Variants in CTNNA3 observed in about 807,000 individuals in gnomAD.
The protein encoded by CTNNA3 is catenin alpha 3.
In CTNNA3, 76 loss-of-function variants were observed where a neutral mutation model predicts 95.7. The ratio of observed to expected loss-of-function variants is 0.79; its 90% CI spans 0.66 to 0.96. The LOEUF is 0.96. Among genes scored for constraint, CTNNA3 ranks in the 40% least tolerant of loss-of-function variants. CTNNA3 has a pLI of 0.00. For synonymous variants in CTNNA3, 431 were observed against 374.4 expected (o/e 1.15, Z -1.74); for missense variants, 1,191 against 1,089.8 (o/e 1.09, Z -1.31).
intron 3 of CTNNA3, among the ~76,000 whole-genome samples, chr10:67,566,149 A>G (rs1465857691): frequency 7.5e-6 from 1 of 132,614 alleles, no homozygotes; most frequent in African/African-American, 2.8e-5. Flanking sequence ...AGCAATGGCA[A>G]CAAAAGCCAA....
At chr10:66,060,392 T>A (rs1366933422) in intron 15 of CTNNA3, among the ~76,000 whole-genome samples, 3 of 152,146 alleles carry the variant, frequency 2.0e-5, no homozygotes, top group Non-Finnish European at 2.9e-5. Flanking sequence ...CACATGTATC[T>A]AATTTTGCTC....
chr10:66,479,978 A>ACACACACACACACACCCC, intron 11 of CTNNA3, among the ~76,000 whole-genome samples: 1 of 151,450 alleles, frequency 6.6e-6, no homozygotes, highest in African/African-American at 2.4e-5. Context: ...ACACACACAC[A>ACACACACACACACACCCC]CCCCAGAACT....
At chr10:67,239,583 T>C (rs958437516) in intron 5 of CTNNA3, among the ~76,000 whole-genome samples, 5 of 152,178 alleles carry the variant, frequency 3.3e-5, no homozygotes, top group African/African-American at 1.2e-4. Flanking sequence ...TGTGTTTAGT[T>C]TGGAAAAATT....
chr10:66,135,986 C>T (rs998527912), intron 13 of CTNNA3, among the ~76,000 whole-genome samples: 2 of 151,620 alleles, frequency 1.3e-5, no homozygotes, highest in East Asian at 3.9e-4. Flanking sequence ...ACTGCAAGCT[C>T]CACCTCCTGT....
At chr10:66,225,815 G>C (rs2089253237) in intron 13 of CTNNA3, among the ~76,000 whole-genome samples, 1 of 151,732 alleles carries the variant, frequency 6.6e-6, no homozygotes, top group Non-Finnish European at 1.5e-5. Context: ...GCATTCCCCT[G>C]ATGATTAGTG....
chr10:66,643,856 A>T (rs563017033), intron 9 of CTNNA3, among the ~76,000 whole-genome samples: 1 of 152,112 alleles, frequency 6.6e-6, no homozygotes, highest in African/African-American at 2.4e-5. Flanking sequence ...CCAAATCATG[A>T]TTCATTCAAA....
chr10:67,264,909 T>C (rs1455146133), intron 5 of CTNNA3, among the ~76,000 whole-genome samples: 3 of 152,192 alleles, frequency 2.0e-5, no homozygotes, highest in Non-Finnish European at 4.4e-5. Flanking sequence ...GAGAAAAGAC[T>C]ATGAAAAATC....
intron 11 of CTNNA3, among the ~76,000 whole-genome samples, chr10:66,503,264 G>A (rs903243247): frequency 2.4e-4 from 36 of 152,180 alleles, no homozygotes; most frequent in African/African-American, 8.4e-4. Context: ...TGTTCTACTG[G>A]TTGTTCTATC....
chr10:67,339,219 G>T (rs1842095678), intron 5 of CTNNA3, among the ~76,000 whole-genome samples: 1 of 152,062 alleles, frequency 6.6e-6, no homozygotes, highest in South Asian at 2.1e-4. Context: ...GCAAAATCTT[G>T]TCCTTATTAA....
intron 5 of CTNNA3, among the ~76,000 whole-genome samples, chr10:67,434,334 T>A (rs1382092126): frequency 6.6e-6 from 1 of 151,982 alleles, no homozygotes; most frequent in Non-Finnish European, 1.5e-5. Flanking sequence ...CTAAATAGGA[T>A]AAGGTCCATA....
chr10:67,451,451 T>G (rs1390737644), intron 5 of CTNNA3, among the ~76,000 whole-genome samples: 1 of 151,094 alleles, frequency 6.6e-6, no homozygotes, highest in Non-Finnish European at 1.5e-5. Flanking sequence ...TAGCTTAATA[T>G]GTTGAATAAA....
chr10:66,997,279 A>G (rs1200100243), intron 7 of CTNNA3, among the ~76,000 whole-genome samples: 3 of 152,192 alleles, frequency 2.0e-5, no homozygotes, highest in African/African-American at 7.2e-5. Flanking sequence ...GACTGATACA[A>G]TCTCTTATAA....
rs2091926809 is a variant in CTNNA3 at position 66,305,865 on chromosome 10, C to T, written c.1733-25244G>A. ...AAGGCAAATTCTCTCTCTCTTATCCCTTGCACTTTGCCTCACTTATCAATT... is the reference window on the plus strand; with the variant it reads ...AAGGCAAATTCTCTCTCTCTTATCCTTTGCACTTTGCCTCACTTATCAATT... On this transcript the variant is annotated intron_variant, in intron 12 of 17. Coordinates refer to ENST00000433211, the MANE Select transcript of CTNNA3 (RefSeq NM_013266.4). Among the ~76,000 whole-genome samples the T allele has an allele frequency of 3.3e-5, 5 of 152,206 alleles. No homozygotes were observed. In the South Asian group the frequency reaches 1.0e-3, roughly 31 times the overall value.
chr10:66,172,396 A>G (rs901817200), intron 13 of CTNNA3, among the ~76,000 whole-genome samples: 1 of 152,148 alleles, frequency 6.6e-6, no homozygotes, highest in African/African-American at 2.4e-5. Flanking sequence ...AAGTTATAGA[A>G]CTTTTGTAAC....
rs189581805 is a variant in CTNNA3 at position 66,133,517 on chromosome 10, A to C, written c.1885-30268T>G. 1.0e-3 allele frequency among the ~76,000 whole-genome samples: 152 copies of C among 152,054 alleles called. 1 individual carries two copies. The highest frequency in any genetic ancestry group is 3.5e-3 in the South Asian group (17 of 4,820). On this transcript the variant is annotated intron_variant, in intron 13 of 17. Transcript: ENST00000433211. ...GACAGAGTGAGAGTCTGTCTTAAAA[A>C]AAAAAACAAAAAACAAAAAACAAAA...
At chr10:67,220,741 C>T (rs1020358510) in intron 5 of CTNNA3, among the ~76,000 whole-genome samples, 10 of 151,988 alleles carry the variant, frequency 6.6e-5, no homozygotes, top group South Asian at 2.1e-4. Flanking sequence ...AAGTGATAGG[C>T]GATCAGAACT....
chr10:66,571,249 A>G (rs772403928), intron 10 of CTNNA3, among the ~76,000 whole-genome samples: 2 of 152,170 alleles, frequency 1.3e-5, no homozygotes, highest in Non-Finnish European at 2.9e-5. Flanking sequence ...ATATAGTCAT[A>G]TGTGTAGGTG....
intron 7 of CTNNA3, among the ~76,000 whole-genome samples, chr10:67,027,652 G>T (rs2133097652): frequency 6.6e-6 from 1 of 152,022 alleles, no homozygotes; most frequent in Non-Finnish European, 1.5e-5. Context: ...GGCCAGGATG[G>T]TCTCAATCTC....
At chr10:66,898,275 T>C (rs1364714881) in intron 7 of CTNNA3, among the ~76,000 whole-genome samples, 1 of 152,008 alleles carries the variant, frequency 6.6e-6, no homozygotes, top group Admixed American at 6.6e-5. Context: ...TGTGACTCAA[T>C]ATAAATACAC....
Sources: allele counts gnomAD v4.1 joint callset (sites outside exome capture counted in the v4.1 genomes callset), GRCh38; gene constraint gnomAD v4.1.1; transcripts MANE v1.5; gene names NCBI Gene and HGNC (gene_info 2026-07-23, HGNC 2026-07-21).